The following PTPRM variants were observed in gnomAD, a reference collection of about 807,000 sequenced individuals.
PTPRM encodes receptor-type tyrosine-protein phosphatase mu.
A neutral mutation model predicts 186.7 loss-of-function variants in PTPRM; 47 were observed. That is an observed-to-expected ratio of 0.25 (90% CI 0.20 to 0.32). The LOEUF (loss-of-function observed/expected upper bound fraction) is 0.32, where lower values mean the gene tolerates loss of function less well. PTPRM is among the 10% of genes least tolerant of loss of function. The pLI, the probability that PTPRM is intolerant of heterozygous loss-of-function variation, is 1.00. For synonymous variants in PTPRM, 668 were observed against 674.9 expected, an observed-to-expected ratio of 0.99 and a Z score of 0.16; for missense variants, 1,494 against 1,865.0, an observed-to-expected ratio of 0.80 and a Z score of 3.66.
At chr18:7,977,541 G>A (rs184663377) in intron 7 of PTPRM, among the ~76,000 whole-genome samples, 8 of 152,260 alleles carry the variant, frequency 5.3e-5, no homozygotes, top group Admixed American at 1.3e-4. Flanking sequence ...CACTGGATGA[G>A]CTTTCTAGTT....
At chr18:8,063,456 G>A (rs1030614136) in intron 7 of PTPRM, among the ~76,000 whole-genome samples, 22 of 152,102 alleles carry the variant, frequency 1.4e-4, no homozygotes, top group African/African-American at 5.1e-4. Context: ...TTCCTATTCG[G>A]CCATCTTCCA....
chr18:7,843,817 T>C (rs181551108), intron 2 of PTPRM, among the ~76,000 whole-genome samples: 1 of 152,196 alleles, frequency 6.6e-6, no homozygotes, highest in African/African-American at 2.4e-5. Context: ...TTATCTCTGT[T>C]CCATCATGTG....
intron 1 of PTPRM, among the ~76,000 whole-genome samples, chr18:7,616,694 A>C (rs578047409): frequency 1.1e-4 from 16 of 152,270 alleles, no homozygotes; most frequent in African/African-American, 3.8e-4. Context: ...GTTTCCTGGA[A>C]GAATGCCTTG....
chr18:8,334,149 G>A (rs373189076), intron 22 of PTPRM, among the ~76,000 whole-genome samples: 79 of 152,350 alleles, frequency 5.2e-4, no homozygotes, highest in African/African-American at 1.9e-3. Context: ...CACCTGCCTG[G>A]CAGGGAGCCA....
At chr18:8,073,206 A>T (rs2089596561) in intron 8 of PTPRM, among the ~76,000 whole-genome samples, 1 of 152,274 alleles carries the variant, frequency 6.6e-6, no homozygotes, top group Non-Finnish European at 1.5e-5. Flanking sequence ...AATAAGAAAT[A>T]TCACTGGCTG....
intron 19 of PTPRM, among the ~76,000 whole-genome samples, chr18:8,269,509 T>C (rs1218566280): frequency 6.6e-6 from 1 of 151,350 alleles, no homozygotes; most frequent in African/African-American, 2.4e-5. Flanking sequence ...GAAATTCCAA[T>C]GGCATTTTTT....
intron 3 of PTPRM, among the ~76,000 whole-genome samples, chr18:7,898,416 A>G (rs1300679609): frequency 1.3e-5 from 2 of 152,170 alleles, no homozygotes; most frequent in Non-Finnish European, 2.9e-5. Context: ...TGGAAAGCTA[A>G]TTTTGCTCTT....
At chr18:7,830,897 T>G (rs1243895096) in intron 2 of PTPRM, among the ~76,000 whole-genome samples, 1 of 152,208 alleles carries the variant, frequency 6.6e-6, no homozygotes, top group Non-Finnish European at 1.5e-5. Context: ...CTGTAGTCAC[T>G]GAACAGAAGA....
intron 14 of PTPRM, among the ~76,000 whole-genome samples, chr18:8,222,057 G>A (rs551559233): frequency 6.6e-6 from 1 of 152,304 alleles, no homozygotes; most frequent in African/African-American, 2.4e-5. Context: ...TGGCTTGGGA[G>A]GCTGCCCAAT....
chr18:7,874,917 G>A (rs1190034916), intron 2 of PTPRM, among the ~76,000 whole-genome samples: 1 of 152,208 alleles, frequency 6.6e-6, no homozygotes, highest in East Asian at 1.9e-4. Flanking sequence ...AAATGGCCTG[G>A]CGCAGTGGCT....
chr18:7,886,351 C>T (rs937780286), intron 2 of PTPRM, among the ~76,000 whole-genome samples: 14 of 152,202 alleles, frequency 9.2e-5, no homozygotes, highest in African/African-American at 3.4e-4. Flanking sequence ...ATACTCTCGT[C>T]ACTTGTTCTT....
At chr18:8,379,880 A>G (rs2095721047) in intron 28 of PTPRM, among the ~76,000 whole-genome samples, 1 of 152,252 alleles carries the variant, frequency 6.6e-6, no homozygotes, top group Non-Finnish European at 1.5e-5. Context: ...AAAAAAAAGT[A>G]CATGTATTCT....
At chr18:7,924,910 G>A (rs1425662823) in intron 4 of PTPRM, among the ~76,000 whole-genome samples, 9 of 152,136 alleles carry the variant, frequency 5.9e-5, no homozygotes, top group South Asian at 2.1e-4. Context: ...TTCGTAAACC[G>A]AGCCTGGTGT....
chr18:8,225,691 G>A (rs1360045299), intron 14 of PTPRM, among the ~76,000 whole-genome samples: 1 of 152,170 alleles, frequency 6.6e-6, no homozygotes, highest in Non-Finnish European at 1.5e-5. Flanking sequence ...TGTTCACTAA[G>A]CAGAGAAAGA....
At chr18:8,037,071 G>T (rs765869625) in intron 7 of PTPRM, among the ~76,000 whole-genome samples, 1 of 152,156 alleles carries the variant, frequency 6.6e-6, no homozygotes, top group Non-Finnish European at 1.5e-5. Context: ...GAATGATCTG[G>T]ACAGAATGAT....
chr18:7,701,908 T>C (rs997725753), intron 1 of PTPRM, among the ~76,000 whole-genome samples: 1 of 152,126 alleles, frequency 6.6e-6, no homozygotes, highest in African/African-American at 2.4e-5. Context: ...TGTGTCCATG[T>C]GTTCTCATTG....
At chr18:7,905,540 A>G (rs145910674) in intron 3 of PTPRM, among the ~76,000 whole-genome samples, 610 of 152,300 alleles carry the variant, frequency 4.0e-3, no homozygotes, top group African/African-American at 0.014. Flanking sequence ...TTAATAGGCT[A>G]TCTTTCCTGG....
chr18:7,842,947 T>TATATAGAGAGAGAGAGAGAGAG (rs370746043), intron 2 of PTPRM, among the ~76,000 whole-genome samples: 8 of 112,118 alleles, frequency 7.1e-5, no homozygotes, highest in African/African-American at 3.4e-4. Flanking sequence ...TATATATATA[T>TATATAGAGAGAGAGAGAGAGAG]AGAGAGAGAG....
chr18:8,311,769 A>C (rs2095270419), intron 20 of PTPRM, among the ~76,000 whole-genome samples: 1 of 152,136 alleles, frequency 6.6e-6, no homozygotes, highest in South Asian at 2.1e-4. Context: ...GATAAACTGA[A>C]CTGTAGGAGA....
Sources: allele counts gnomAD v4.1 joint callset (sites outside exome capture counted in the v4.1 genomes callset), GRCh38; gene constraint gnomAD v4.1.1; transcripts MANE v1.5; gene names NCBI Gene and HGNC (gene_info 2026-07-23, HGNC 2026-07-21).